The following RARB variants were observed in gnomAD, a reference collection of about 807,000 sequenced individuals.
RARB encodes HBV-activated protein.
In RARB, 17 loss-of-function variants were observed where a neutral mutation model predicts 51.9. The observed-to-expected ratio is 0.33, with a 90% confidence interval of 0.22 to 0.49. The LOEUF is 0.49. Among genes scored for constraint, RARB ranks in the 20% least tolerant of loss-of-function variants. The pLI, the probability that RARB is intolerant of heterozygous loss-of-function variation, is 0.99. For missense variants in RARB, 369 were observed against 550.8 expected (o/e 0.67, Z 3.30); for synonymous variants, 215 against 195.4 (o/e 1.10, Z -0.84).
intron 3 of RARB, among the ~76,000 whole-genome samples, chr3:25,541,541 G>T (rs1428267533): frequency 6.6e-6 from 1 of 152,124 alleles, no homozygotes; most frequent in Non-Finnish European, 1.5e-5. Context: ...GGATTCTTTT[G>T]CATCATCTTG....
At chr3:25,260,039 A>C in intron 5 of RARB, 1 of 962,546 alleles carries the variant, frequency 1.0e-6, no homozygotes, top group African/African-American at 1.8e-5. Context: ...TCCTTCCCCC[A>C]TGGTGTGAGT....
chr3:25,408,661 C>A (rs1707479321), intron 5 of RARB, among the ~76,000 whole-genome samples: 1 of 152,022 alleles, frequency 6.6e-6, no homozygotes, highest in Non-Finnish European at 1.5e-5. Context: ...TAAAGAATTG[C>A]TAAGGGAAGA....
At chr3:25,466,596 G>A (rs1166503664) in intron 2 of RARB, among the ~76,000 whole-genome samples, 3 of 152,182 alleles carry the variant, frequency 2.0e-5, no homozygotes, top group Non-Finnish European at 4.4e-5. Context: ...TCTTTCTGCA[G>A]TTCTCCATTC....
rs558902640 is a variant in RARB at position 25,539,674 on chromosome 3, C to T, written c.449-30084C>T. ...TGTCCATCCTAAAATAAGAGAGTCC[C>T]ATTAATGGATCCTGGTATTCCAGAG... On this transcript the variant is annotated intron_variant, in intron 3 of 7. Coordinates refer to ENST00000330688, the MANE Select transcript of RARB (RefSeq NM_000965.5). 1.6e-3 allele frequency among the ~76,000 whole-genome samples: 246 copies of T among 151,292 alleles called. 1 individual carries two copies. Among genetic ancestry groups the T allele is most frequent in the African/African-American group, 5.8e-3 (238 of 41,160 alleles).
At chr3:25,356,080 T>C (rs1251175155) in intron 5 of RARB, among the ~76,000 whole-genome samples, 7 of 152,198 alleles carry the variant, frequency 4.6e-5, no homozygotes, top group African/African-American at 1.4e-4. Flanking sequence ...TTACAAGATC[T>C]ATTTCTTGCT....
At position 25,161,245 on chromosome 3, in the gene RARB, G is replaced by A. The variant is rs1050159740; in HGVS notation, c.-279-12874G>A. ...GTATTTTTAGTAGAGACAGGGTTTCGCTATGTTTGCCAGGTTGCTCTGAAA... is the reference window on the plus strand; with the variant it reads ...GTATTTTTAGTAGAGACAGGGTTTCACTATGTTTGCCAGGTTGCTCTGAAA... On this transcript the variant is annotated intron_variant, in intron 4 of 11. Transcript: ENST00000383772. Among the ~76,000 whole-genome samples, 4 of 150,882 alleles carry A rather than the reference G, an allele frequency of 2.7e-5. No individual in the cohort carries two copies. The South Asian group carries it at 6.3e-4, about 24-fold the overall frequency.
intron 1 of RARB, among the ~76,000 whole-genome samples, chr3:24,850,842 G>A (rs540655613): frequency 1.8e-3 from 270 of 152,322 alleles, no homozygotes; most frequent in African/African-American, 6.3e-3. Flanking sequence ...AGAGGATGCT[G>A]ATGCTGCCAG....
At chr3:25,164,794 T>G (rs1035704634) in intron 4 of RARB, among the ~76,000 whole-genome samples, 4 of 152,214 alleles carry the variant, frequency 2.6e-5, no homozygotes, top group Non-Finnish European at 4.4e-5. Context: ...CTATAGCAAG[T>G]ATGCTGTGTC....
In RARB at chr3:25,291,781, G is replaced by A. The variant is rs143457818; in HGVS notation, c.178+117206G>A. ...TTCACATCTAGTAGCAGCTTGTATG[G>A]CTGTCCACGGGCTAATTTATTACCC... is the stretch of plus-strand genomic sequence containing the variant. On this transcript the variant is annotated intron_variant, in intron 5 of 11. Coordinates refer to the RARB transcript ENST00000383772. Among the ~76,000 whole-genome samples the A allele has an allele frequency of 4.6e-5, 7 of 152,104 alleles. No individual in the cohort carries two copies. In the South Asian group the frequency reaches 1.5e-3, roughly 32 times the overall value.
intron 2 of RARB, among the ~76,000 whole-genome samples, chr3:24,946,331 AGAGTT>A (rs199949805): frequency 0.019 from 2,823 of 151,282 alleles, 87 homozygotes; most frequent in African/African-American, 0.065. Flanking sequence ...GTATTTTTCC[AGAGTT>A]GAGTTAATTT....
At chr3:25,354,225 G>C (rs1248460668) in intron 5 of RARB, among the ~76,000 whole-genome samples, 2 of 152,070 alleles carry the variant, frequency 1.3e-5, no homozygotes, top group Non-Finnish European at 2.9e-5. Flanking sequence ...TGTGACTCAT[G>C]GAACTTTCTC....
intron 5 of RARB, among the ~76,000 whole-genome samples, chr3:25,409,366 G>T (rs763680066): frequency 2.6e-5 from 4 of 152,046 alleles, no homozygotes; most frequent in African/African-American, 9.7e-5. Flanking sequence ...CACACCATAT[G>T]CCATCATCTG....
intron 5 of RARB, among the ~76,000 whole-genome samples, chr3:25,330,244 G>A (rs6796134): frequency 0.23 from 34,306 of 151,812 alleles, 4,362 homozygotes; most frequent in African/African-American, 0.36. Flanking sequence ...GAAGGAAAAA[G>A]TGTTAAGGGC....
intron 5 of RARB, among the ~76,000 whole-genome samples, chr3:25,290,581 A>C (rs1185191171): frequency 1.3e-5 from 2 of 152,190 alleles, no homozygotes; most frequent in Non-Finnish European, 2.9e-5. Context: ...TCCCTTTAAA[A>C]CGTTCAAAAG....
chr3:25,588,276 T>A (rs1046852004), intron 5 of RARB, among the ~76,000 whole-genome samples: 1 of 152,228 alleles, frequency 6.6e-6, no homozygotes, highest in Non-Finnish European at 1.5e-5. Flanking sequence ...TTCTGTATGA[T>A]TCCATTGATC....
chr3:25,459,922 G>T (rs960652726), intron 1 of RARB, among the ~76,000 whole-genome samples: 16 of 152,188 alleles, frequency 1.1e-4, no homozygotes, highest in Non-Finnish European at 2.1e-4. Context: ...ACCTGTGATA[G>T]AAGTACAGCC....
At chr3:25,288,305 T>C (rs1703704545) in intron 5 of RARB, among the ~76,000 whole-genome samples, 1 of 152,148 alleles carries the variant, frequency 6.6e-6, no homozygotes, top group Non-Finnish European at 1.5e-5. Flanking sequence ...AGAAATCATC[T>C]AGTGAAACTT....
At chr3:25,442,116 T>TTTTTTTTATTTATTTA (rs370911783) in intron 1 of RARB, among the ~76,000 whole-genome samples, 2 of 147,744 alleles carry the variant, frequency 1.4e-5, no homozygotes, top group African/African-American at 2.5e-5. Context: ...TTTATTTTAT[T>TTTTTTTTATTTATTTA]TTTATTTATT....
chr3:25,192,036 A>C (rs569004338), intron 5 of RARB, among the ~76,000 whole-genome samples: 12 of 152,232 alleles, frequency 7.9e-5, no homozygotes, highest in Admixed American at 2.6e-4. Context: ...GCTTTGCAAA[A>C]GTGTAACAAT....
Sources: allele counts gnomAD v4.1 joint callset (sites outside exome capture counted in the v4.1 genomes callset), GRCh38; gene constraint gnomAD v4.1.1; transcripts MANE v1.5; gene names NCBI Gene and HGNC (gene_info 2026-07-23, HGNC 2026-07-21).